ZNF469: variants seen among roughly 807,000 people sequenced by gnomAD.
ZNF469 encodes the protein zinc finger protein 469.
ZNF469 carries 1 observed loss-of-function variant against 1.0 expected under a neutral mutation model. That is an observed-to-expected ratio of 1.00 (90% CI 0.35 to 4.73). ZNF469 has a LOEUF of 4.73. Among genes scored for constraint, ZNF469 ranks in the 30% most tolerant of loss-of-function variants. ZNF469 has a pLI of 0.16. For missense variants in ZNF469, 6,100 were observed against 5,356.3 expected (o/e 1.14, Z -4.33); for synonymous variants, 2,703 against 2,363.4 (o/e 1.14, Z -4.17).
the ZNF469 span, among the ~76,000 whole-genome samples, chr16:88,162,790 A>G: frequency 1.3e-5 from 2 of 151,916 alleles, no homozygotes; most frequent in Non-Finnish European, 2.9e-5. Context: ...TGCCCTTTAT[A>G]TAAAGGTACA....
the ZNF469 span, among the ~76,000 whole-genome samples, chr16:88,305,596 C>A: frequency 7.1e-6 from 1 of 140,522 alleles, no homozygotes; most frequent in Non-Finnish European, 1.5e-5. Flanking sequence ...ACACGCACAC[C>A]CTCACACATG....
chr16:88,167,805 A>G, the ZNF469 span, among the ~76,000 whole-genome samples: 3 of 152,216 alleles, frequency 2.0e-5, no homozygotes, highest in Admixed American at 2.0e-4. Flanking sequence ...CTGTTGTGTA[A>G]CAGAGGGATT....
chr16:88,428,621 C>T lies in ZNF469; in HGVS notation c.1151C>T (p.Pro384Leu), dbSNP rs1034758857. ...CTGACCAAAATCCTTCCCGAAAGACCACCTTCAGCCCAGGATGGGCTGGGG... is the reference window on the plus strand; with the variant it reads ...CTGACCAAAATCCTTCCCGAAAGACTACCTTCAGCCCAGGATGGGCTGGGG... Reference protein sequence around the residue: ...KSLTKILPERPPSAQDGLGST... With the variant: ...KSLTKILPERLPSAQDGLGST... The change falls in exon 3 of 3, where the codon CCA (proline) becomes CTA (leucine). Residue 384 changes from proline to leucine, a missense_variant. Pro to Leu is a moderately conservative substitution (Grantham distance 98). Transcript: ENST00000565624. The T allele has an allele frequency of 3.2e-6, 5 of 1,550,132 alleles. No homozygotes were observed. The highest frequency in any genetic ancestry group is 3.5e-6 in the Non-Finnish European group (4 of 1,146,902).
the ZNF469 span, among the ~76,000 whole-genome samples, chr16:88,121,780 G>A: frequency 7.2e-5 from 11 of 152,154 alleles, no homozygotes; most frequent in Admixed American, 1.3e-4. Flanking sequence ...GCAAATACTC[G>A]CCCACTAGGT....
chr16:88,242,062 G>A, the ZNF469 span, among the ~76,000 whole-genome samples: 3 of 152,176 alleles, frequency 2.0e-5, no homozygotes, highest in Admixed American at 2.0e-4. Flanking sequence ...GCTTTGGTGG[G>A]GCTGGCATGG....
Position 88,433,883 on chromosome 16 carries a change from C to T in ZNF469, c.6413C>T (p.Ser2138Leu), listed in dbSNP as rs530318278. 5.4e-5 allele frequency: 84 copies of T among 1,548,632 alleles called. No homozygotes were observed. The South Asian group carries it at 6.9e-4, about 13-fold the overall frequency. The change falls in exon 3 of 3, where the codon TCG becomes TTG. Residue 2138 changes from serine to leucine, a missense_variant. By Grantham distance (145) the Ser-to-Leu change is moderately radical. Transcript: ENST00000565624. ...GPLPREDPLT[S>L]PSRAQGGLGG... ...CTGCCCCGTGAAGACCCACTTACCTCGCCTTCCAGGGCCCAAGGTGGGCTG... is the reference window on the plus strand; with the variant it reads ...CTGCCCCGTGAAGACCCACTTACCTTGCCTTCCAGGGCCCAAGGTGGGCTG...
chr16:88,367,493 C>G, the ZNF469 span, among the ~76,000 whole-genome samples: 14 of 152,334 alleles, frequency 9.2e-5, no homozygotes, highest in African/African-American at 3.4e-4. Flanking sequence ...GCATGGGGCA[C>G]CAGAACATTT....
chr16:88,417,778 G>T (rs1905343273), intron 1 of ZNF469, among the ~76,000 whole-genome samples: 1 of 152,212 alleles, frequency 6.6e-6, no homozygotes. Flanking sequence ...CAGTGCCGGG[G>T]AGCTCTCAGA....
the ZNF469 span, among the ~76,000 whole-genome samples, chr16:88,257,115 A>ATT: frequency 2.3e-4 from 27 of 117,056 alleles, no homozygotes; most frequent in African/African-American, 7.3e-4. Context: ...TACCCCACTA[A>ATT]TTTTTTTTTT....
chr16:88,345,258 G>A, the ZNF469 span, among the ~76,000 whole-genome samples: 1 of 152,200 alleles, frequency 6.6e-6, no homozygotes, highest in Non-Finnish European at 1.5e-5. Context: ...CGCACACCTC[G>A]TGTGACCGTG....
At chr16:88,101,748 C>A in the ZNF469 span, among the ~76,000 whole-genome samples, 1 of 152,176 alleles carries the variant, frequency 6.6e-6, no homozygotes. Flanking sequence ...TCAGAGCAGA[C>A]CCCTTCCTGG....
chr16:88,269,925 T>C, the ZNF469 span, among the ~76,000 whole-genome samples: 1 of 152,078 alleles, frequency 6.6e-6, no homozygotes, highest in East Asian at 1.9e-4. Context: ...ACTCAGCCAC[T>C]TCTCCATGGA....
At chr16:88,416,770 C>T (rs1463927466) in intron 1 of ZNF469, among the ~76,000 whole-genome samples, 1 of 152,208 alleles carries the variant, frequency 6.6e-6, no homozygotes, top group Non-Finnish European at 1.5e-5. Flanking sequence ...ACCACGCACC[C>T]TTCGCCCTTC....
Position 88,433,569 on chromosome 16 carries a change from A to C in ZNF469, c.6099A>C (p.Ala2033=), listed in dbSNP as rs557168382. 1.4e-5 allele frequency: 22 copies of C among 1,550,354 alleles called. No homozygotes were observed. In the African/African-American group the frequency reaches 2.5e-4, roughly 17 times the overall value. Residue 2033 remains alanine (A), a synonymous_variant, in exon 3 of 3, where the codon GCA becomes GCC. Transcript: ENST00000565624. ...CGCTGACCGGCCCCACCGAGGGTGC[A>C]GTCCTGCTAGAGAAATGCAAGGGAA... is the stretch of plus-strand genomic sequence containing the variant. The part of the protein sequence containing the change: ...KTALTGPTEG[A]VLLEKCKGSR...
chr16:88,426,427 G>A (rs1447575269), intron 2 of ZNF469, among the ~76,000 whole-genome samples: 3 of 152,368 alleles, frequency 2.0e-5, no homozygotes, highest in Admixed American at 6.5e-5. Context: ...CCAATGGCTC[G>A]GGTCTGAGTC....
the ZNF469 span, among the ~76,000 whole-genome samples, chr16:88,155,496 C>A: frequency 2.1e-4 from 32 of 152,204 alleles, no homozygotes; most frequent in Non-Finnish European, 3.4e-4. Context: ...CTCTGGCAAC[C>A]AGTCCTCTGC....
the ZNF469 span, among the ~76,000 whole-genome samples, chr16:88,374,750 T>TGGGCTGAGCTCGGCGCCGTGTGCG: frequency 1.9e-5 from 2 of 107,256 alleles, no homozygotes; most frequent in African/African-American, 5.1e-5. Flanking sequence ...CGCCGTGTGC[T>TGGGCTGAGCTCGGCGCCGTGTGCG]GTGGGCTGAG....
the ZNF469 span, among the ~76,000 whole-genome samples, chr16:88,305,573 C>T: frequency 4.1e-5 from 6 of 145,514 alleles, no homozygotes; most frequent in South Asian, 4.6e-4. Flanking sequence ...CGTGCACACA[C>T]GCTCACAGGC....
At chr16:88,196,748 C>G in the ZNF469 span, among the ~76,000 whole-genome samples, 1 of 152,194 alleles carries the variant, frequency 6.6e-6, no homozygotes, top group African/African-American at 2.4e-5. Context: ...GAAAGTGAGG[C>G]TCAGAGCTCC....
Sources: gnomAD v4.1 joint callset for allele counts (sites outside exome capture counted in the v4.1 genomes callset) on GRCh38, gnomAD v4.1.1 for gene constraint, MANE v1.5 for transcripts, NCBI Gene and HGNC (gene_info 2026-07-23, HGNC 2026-07-21) for gene names.